The following ACLY variants were observed in gnomAD, a reference collection of about 807,000 sequenced individuals.
The protein encoded by ACLY is ATP-citrate synthase.
Under a neutral mutation model 133.0 loss-of-function variants are expected in ACLY, and 41 were observed. That is an observed-to-expected ratio of 0.31 (90% confidence interval 0.24 to 0.40). The LOEUF is 0.40. Ranked by LOEUF, ACLY falls within the 10% of genes least tolerant of loss-of-function variation. ACLY has a pLI of 1.00. For missense variants in ACLY, 1,046 were observed against 1,453.8 expected, an observed-to-expected ratio of 0.72 and a Z score of 4.56; for synonymous variants, 495 against 549.3, an observed-to-expected ratio of 0.90 and a Z score of 1.38.
chr17:41,881,692 G>A (rs370282057), intron 20 of ACLY, among the ~76,000 whole-genome samples: 18 of 152,010 alleles, frequency 1.2e-4, no homozygotes, highest in Non-Finnish European at 2.4e-4. Flanking sequence ...CGCCTCCCAG[G>A]TTCAAGCAAT....
intron 11 of ACLY, 78 bp from the exon 12 acceptor site, chr17:41,898,863 C>A: frequency 7.1e-7 from 1 of 1,417,218 alleles, no homozygotes; most frequent in South Asian, 1.3e-5. Context: ...TGCAAAGGGC[C>A]TTTTACAGCC....
chr17:41,876,261 C>T (rs550574678), intron 22 of ACLY, among the ~76,000 whole-genome samples: 2 of 151,152 alleles, frequency 1.3e-5, no homozygotes, highest in African/African-American at 4.9e-5. Flanking sequence ...GCCCCCCGCC[C>T]GGCCAGCCGC....
chr17:41,889,524 C>CAAAAAAAAAA (rs533387140), intron 16 of ACLY, among the ~76,000 whole-genome samples: 1,404 of 31,608 alleles, frequency 0.044, 525 homozygotes, highest in Middle Eastern at 0.17. Flanking sequence ...CTCCATTTCA[C>CAAAAAAAAAA]AAAAAAAAAA....
intron 6 of ACLY, among the ~76,000 whole-genome samples, chr17:41,907,803 A>G (rs2049768098): frequency 6.6e-6 from 1 of 152,222 alleles, no homozygotes. Flanking sequence ...GCAATGGGAC[A>G]TGGAGGTCTG....
In ACLY at chr17:41,900,360, C is replaced by T. The variant is rs369619912; in HGVS notation, c.1183+1336G>A. ...CCTGGGTAACAGAGCGAGACTCCAT[C>T]TCAAAATAAAAAAAAAAGAAAAAAA... On this transcript the variant is annotated intron_variant, in intron 11 of 28. Transcript: ENST00000352035. Among the ~76,000 whole-genome samples the T allele has an allele frequency of 1.5e-4, 20 of 130,820 alleles. No homozygotes were observed. In the South Asian group the frequency reaches 5.4e-3, roughly 35 times the overall value. 85.8% of individuals were successfully genotyped at this position (130,820 alleles called of 152,430 possible).
Position 41,896,724 on chromosome 17 carries a change from A to G in ACLY, c.1430-75T>C, listed in dbSNP as rs954812536. ...GGCTTTGGAGGGAGAGGGTGGGAAC[A>G]GGGAAGGGTCCCATGGACAAGCCTT... is the stretch of plus-strand genomic sequence containing the variant. On this transcript the variant is annotated intron_variant, in intron 13 of 28. Coordinates refer to ENST00000352035, the MANE Select transcript of ACLY (RefSeq NM_001096.3). 1.2e-4 allele frequency: 165 copies of G among 1,380,310 alleles called. 1 individual carries two copies. In the South Asian group the frequency reaches 2.3e-3, roughly 19 times the overall value. 85.5% of individuals were successfully genotyped at this position (1,380,310 alleles called of 1,614,324 possible).
chr17:41,912,424 G>T lies in ACLY; in HGVS notation c.278C>A (p.Ala93Asp), dbSNP rs376094175. ...CCTGACCCCATGCCCACTCACTGTG[G>T]CTTCCTGTCCCAGCCGTGGCTTCAG... ...SWLKPRLGQE[A>D]TVGKATGFLK... The change falls in exon 3 of 29, where the codon GCC becomes GAC. Residue 93 changes from alanine to aspartate, a missense_variant. Ala to Asp is a moderately radical substitution (Grantham distance 126). Around this residue, in one of 4 missense-constraint regions of ACLY, gnomAD observed 227 missense variants for 245.6 expected, o/e 0.92. Coordinates refer to ENST00000352035, the MANE Select transcript of ACLY (RefSeq NM_001096.3). 31 of 1,613,920 alleles carry T rather than the reference G, an allele frequency of 1.9e-5. No homozygotes were observed. In the African/African-American group the frequency reaches 3.3e-4, roughly 17 times the overall value.
chr17:41,885,964 G>A, intron 18 of ACLY, 148 bp downstream of exon 18: 1 of 774,418 alleles, frequency 1.3e-6, no homozygotes, highest in Non-Finnish European at 2.2e-6. Context: ...CCTGAGACAA[G>A]AGCAGTGATG....
upstream of ACLY, among the ~76,000 whole-genome samples, chr17:41,919,202 C>T (rs1555635094): frequency 6.7e-6 from 1 of 150,282 alleles, no homozygotes; most frequent in Non-Finnish European, 1.5e-5. Flanking sequence ...GGCGGGGCCC[C>T]GGGTGGGGAG....
At chr17:41,878,268 T>C in intron 21 of ACLY, 72 bp from the exon 22 acceptor site, 1 of 1,034,852 alleles carries the variant, frequency 9.7e-7, no homozygotes, top group Non-Finnish European at 1.4e-6. Flanking sequence ...ATCCCAAGAA[T>C]GCTCTATCTA....
At chr17:41,911,904 C>T (rs2049913857) in intron 3 of ACLY, among the ~76,000 whole-genome samples, 1 of 152,120 alleles carries the variant, frequency 6.6e-6, no homozygotes, top group South Asian at 2.1e-4. Flanking sequence ...TACCTGAGGT[C>T]AGGAGTTCGA....
chr17:41,922,255 T>C (rs2144454246), upstream of ACLY, among the ~76,000 whole-genome samples: 1 of 151,348 alleles, frequency 6.6e-6, no homozygotes, highest in South Asian at 2.1e-4. Flanking sequence ...GGCACGTGCC[T>C]GTAGTCCCAG....
intron 13 of ACLY, among the ~76,000 whole-genome samples, chr17:41,896,899 G>C (rs1054142581): frequency 6.6e-6 from 1 of 152,348 alleles, no homozygotes; most frequent in Admixed American, 6.5e-5. Context: ...GAGGACAAAG[G>C]CTGGGCAGAT....
At chr17:41,871,567 C>G (rs1241627439) in intron 25 of ACLY, 122 bp downstream of exon 25, 15 of 1,185,632 alleles carry the variant, frequency 1.3e-5, no homozygotes, top group Admixed American at 1.9e-5. Flanking sequence ...GTTGGTCAGG[C>G]TGGTCTCCAA....
chr17:41,921,075 G>A (rs1182565896), upstream of ACLY, among the ~76,000 whole-genome samples: 10 of 150,204 alleles, frequency 6.7e-5, no homozygotes, highest in Admixed American at 2.7e-4. Flanking sequence ...GCAGTGAGCC[G>A]AGATCGCACC....
In ACLY at chr17:41,913,879, C is replaced by A. The variant is rs1567914701; in HGVS notation, c.-6G>T. 2.5e-6 allele frequency: 4 copies of A among 1,614,126 alleles called. No individual in the cohort carries two copies. The Admixed American group carries it at 6.7e-5, about 27-fold the overall frequency. ...GAAATTGCCTTGGCCGACATGGCTG[C>A]AGAGAGACCTGCTCTACCTGTCTGG... On this transcript the variant is annotated 5_prime_UTR_variant, in exon 2 of 29. Coordinates refer to ENST00000352035, the MANE Select transcript of ACLY (RefSeq NM_001096.3).
intron 14 of ACLY, among the ~76,000 whole-genome samples, chr17:41,896,351 C>T (rs1555630346): frequency 6.6e-6 from 1 of 152,148 alleles, no homozygotes; most frequent in African/African-American, 2.4e-5. Context: ...GCTCTTGCTC[C>T]TTCCAAAATC....
At chr17:41,903,399 G>A (rs964976151) in intron 10 of ACLY, among the ~76,000 whole-genome samples, 48 of 152,092 alleles carry the variant, frequency 3.2e-4, no homozygotes, top group African/African-American at 1.1e-3. Flanking sequence ...GAGGAGCCCC[G>A]GATCATCAAA....
intron 18 of ACLY, 139 bp downstream of exon 18, chr17:41,885,973 T>C: frequency 1.2e-6 from 1 of 804,424 alleles, no homozygotes; most frequent in South Asian, 1.6e-5. Context: ...AGAGCAGTGA[T>C]GCCCCATTGT....
Sources: gnomAD v4.1 joint callset for allele counts (sites outside exome capture counted in the v4.1 genomes callset) on GRCh38, gnomAD v4.1.1 for gene constraint, gnomAD v4.1.1 regional missense constraint, MANE v1.5 for transcripts, NCBI Gene and HGNC (gene_info 2026-07-23, HGNC 2026-07-21) for gene names.